ZNF729: variants seen among roughly 807,000 people sequenced by gnomAD.
The protein encoded by ZNF729 is zinc finger protein 729.
ZNF729 carries 15 observed loss-of-function variants against 12.2 expected under a neutral mutation model. The ratio of observed to expected loss-of-function variants is 1.23; its 90% CI spans 0.82 to 1.89. The LOEUF is 1.89. ZNF729 is among the 40% of genes most tolerant of loss of function. The probability of loss-of-function intolerance (pLI) is 0.00; values close to 1 mark genes in which losing one functional copy is unlikely to be tolerated. For synonymous variants in ZNF729, 492 were observed against 476.3 expected (o/e 1.03, Z -0.43); for missense variants, 1,540 against 1,456.7 (o/e 1.06, Z -0.93).
Position 22,315,517 on chromosome 19 carries a change from A to G in ZNF729, c.2100A>G (p.Arg700=). 1 of 1,610,868 alleles carries G rather than the reference A, an allele frequency of 6.2e-7. No individual in the cohort carries two copies. Among genetic ancestry groups the G allele is most frequent in the South Asian group, 1.1e-5 (1 of 90,998 alleles). The change falls in exon 4 of 4, where the codon AGA becomes AGG. Residue 700 remains arginine, a synonymous_variant. Transcript: ENST00000601693. The stretch of plus-strand genomic sequence containing the variant: ...CTTTTAGCCATTTCTCAGCCCTTAG[A>G]AGACATAAGATAATTCATACTGGAG... The part of the protein sequence containing the change: ...GKAFSHFSAL[R]RHKIIHTGEK...
At position 22,314,181 on chromosome 19, in the gene ZNF729, A is replaced by G; in HGVS notation, c.764A>G (p.Lys255Arg). 6.3e-7 allele frequency: 1 copy of G among 1,586,736 alleles called. No homozygotes were observed. The change falls in exon 4 of 4, where the codon AAG becomes AGG. Residue 255 changes from lysine to arginine, a missense_variant. Physicochemically the swap from Lys to Arg is conservative, Grantham distance 26 (BLOSUM62 2). Coordinates refer to ENST00000601693, the MANE Select transcript of ZNF729 (RefSeq NM_001242680.2). The part of the protein sequence containing the change: ...FKFSSTFTKH[K>R]RIHTGETPFR... ...TTTTCTTCAACGTTCACTAAACATAAGAGAATTCATACTGGAGAGACACCT... is the reference window on the plus strand; with the variant it reads ...TTTTCTTCAACGTTCACTAAACATAGGAGAATTCATACTGGAGAGACACCT...
rs1310751059 is a variant in ZNF729, at chr19:22,314,618, G to A, written c.1201G>A (p.Glu401Lys). The A allele has an allele frequency of 1.8e-5, 29 of 1,611,402 alleles. No individual in the cohort carries two copies. Among genetic ancestry groups the A allele is most frequent in the Non-Finnish European group, 2.5e-5 (29 of 1,179,730 alleles). Residue 401 changes from glutamate to lysine, a missense_variant, in exon 4 of 4, where the codon GAG (glutamate) becomes AAG (lysine). By Grantham distance (56) the Glu-to-Lys change is moderately conservative (BLOSUM62 1). Transcript: ENST00000601693. ...TGTACATAAGGTAGTTCATACTGGAGAGAAACCCTACAAATGTGAAGAATG... is the reference window on the plus strand; with the variant it reads ...TGTACATAAGGTAGTTCATACTGGAAAGAAACCCTACAAATGTGAAGAATG... ...LTVHKVVHTG[E>K]KPYKCEECGK... is the part of the protein sequence containing the mutation.
At chr19:22,296,843 T>C in intron 1 of ZNF729, among the ~76,000 whole-genome samples, 1 of 152,198 alleles carries the variant, frequency 6.6e-6, no homozygotes. Flanking sequence ...ATTTTATTAT[T>C]TACCCAAAAG....
In ZNF729 at chr19:22,292,428, C is replaced by T. The variant is rs1336908660; in HGVS notation, c.30+5873C>T. 7.9e-5 allele frequency among the ~76,000 whole-genome samples: 12 copies of T among 152,148 alleles called. No homozygotes were observed. In the East Asian group the frequency reaches 1.7e-3, roughly 22 times the overall value. On this transcript the variant is annotated intron_variant, in intron 1 of 3. Coordinates refer to ENST00000601693, the MANE Select transcript of ZNF729 (RefSeq NM_001242680.2). ...ATGTTTATGTACCATATTTTGTTTT[C>T]ATTAAATCTTTTATTTTATTTATTT...
In ZNF729 at chr19:22,315,200, A is replaced by T; in HGVS notation, c.1783A>T (p.Thr595Ser). 1 of 1,612,010 alleles carries T rather than the reference A, an allele frequency of 6.2e-7. No homozygotes were observed. The highest frequency in any genetic ancestry group is 1.7e-5 in the Admixed American group (1 of 59,900). The change falls in exon 4 of 4, where the codon ACT (threonine) becomes TCT (serine). Residue 595 changes from threonine to serine, a missense_variant. Thr to Ser is a moderately conservative substitution (Grantham distance 58). Coordinates refer to ENST00000601693, the MANE Select transcript of ZNF729 (RefSeq NM_001242680.2). ...SALRKHKVIH[T>S]REKLYKCEEC... ...CCTCAGAAAACATAAGGTAATTCAT[A>T]CTAGGGAGAAATTGTACAAATGTGA...
intron 1 of ZNF729, among the ~76,000 whole-genome samples, chr19:22,302,911 T>A (rs1366066253): frequency 6.6e-6 from 1 of 152,114 alleles, no homozygotes; most frequent in Non-Finnish European, 1.5e-5. Context: ...TGCCTCAGCC[T>A]CCAGAATAGC....
At chr19:22,310,457 A>G (rs2145055437) in intron 3 of ZNF729, among the ~76,000 whole-genome samples, 1 of 152,226 alleles carries the variant, frequency 6.6e-6, no homozygotes, top group South Asian at 2.1e-4. Context: ...TATTGAGATG[A>G]TCATATGATT....
intron 1 of ZNF729, among the ~76,000 whole-genome samples, chr19:22,302,036 C>T (rs190360988): frequency 4.1e-4 from 63 of 152,408 alleles, no homozygotes; most frequent in East Asian, 2.7e-3. Context: ...TGAGGATGTC[C>T]AGAGCAGAAC....
At chr19:22,307,426 T>C (rs1460160755) in intron 3 of ZNF729, among the ~76,000 whole-genome samples, 1 of 151,086 alleles carries the variant, frequency 6.6e-6, no homozygotes, top group African/African-American at 2.5e-5. Flanking sequence ...AAATAATTTC[T>C]GATCAAGTGT....
intron 1 of ZNF729, among the ~76,000 whole-genome samples, chr19:22,289,047 G>C (rs1327682054): frequency 1.3e-5 from 2 of 151,986 alleles, no homozygotes; most frequent in African/African-American, 4.8e-5. Context: ...ATTGAAACAT[G>C]AGTCAGACAC....
At chr19:22,301,810 ACC>A (rs1968309412) in intron 1 of ZNF729, among the ~76,000 whole-genome samples, 1 of 152,310 alleles carries the variant, frequency 6.6e-6, no homozygotes, top group Non-Finnish European at 1.5e-5. Context: ...AACTATACCT[ACC>A]TGTAAAATGT....
At chr19:22,301,468 A>T (rs1243865517) in intron 1 of ZNF729, among the ~76,000 whole-genome samples, 1 of 152,230 alleles carries the variant, frequency 6.6e-6, no homozygotes, top group Non-Finnish European at 1.5e-5. Flanking sequence ...TGTAACACCC[A>T]AGGAGGCAGA....
intron 1 of ZNF729, among the ~76,000 whole-genome samples, chr19:22,303,331 G>T (rs938741995): frequency 3.3e-5 from 5 of 150,734 alleles, no homozygotes; most frequent in Non-Finnish European, 5.9e-5. Flanking sequence ...CTTTATTCTA[G>T]ATCTTCTAAA....
At chr19:22,309,469 T>G (rs1424597600) in intron 3 of ZNF729, among the ~76,000 whole-genome samples, 1 of 152,114 alleles carries the variant, frequency 6.6e-6, no homozygotes, top group Admixed American at 6.5e-5. Context: ...AGAGTATCCT[T>G]TACCCACTTT....
chr19:22,313,670 G>C lies in ZNF729; in HGVS notation c.254-1G>C. On this transcript the variant is annotated splice_acceptor_variant, in intron 3 of 3. Transcript: ENST00000601693. LOFTEE classifies it high-confidence loss of function. ...TAATTTGTTATTTTTATTTCTTCTAGTTATGCGTTCTCATTTTACACAAGA... is the reference window on the plus strand; with the variant it reads ...TAATTTGTTATTTTTATTTCTTCTACTTATGCGTTCTCATTTTACACAAGA... 6.8e-7 allele frequency: 1 copy of C among 1,466,302 alleles called. No homozygotes were observed. The highest frequency in any genetic ancestry group is 9.0e-7 in the Non-Finnish European group (1 of 1,114,586). 90.8% of individuals were successfully genotyped at this position (1,466,302 alleles called of 1,614,324 possible). A position where few individuals can be genotyped will look rare whatever the true frequency, so the allele number is the denominator to read the frequency against.
In ZNF729 at chr19:22,313,996, A is replaced by T; in HGVS notation, c.579A>T (p.Ser193=). 1 of 1,540,338 alleles carries T rather than the reference A, an allele frequency of 6.5e-7. No individual in the cohort carries two copies. The highest frequency in any genetic ancestry group is 8.7e-7 in the Non-Finnish European group (1 of 1,146,172). Residue 193 remains serine (S), a synonymous_variant, in exon 4 of 4, where the codon TCA becomes TCT. Coordinates refer to ENST00000601693, the MANE Select transcript of ZNF729 (RefSeq NM_001242680.2). ...GTAGCAAATCATTTTTCATGCTTTCATGCTTAATTCGACATAAGAGAATTC... is the reference window on the plus strand; with the variant it reads ...GTAGCAAATCATTTTTCATGCTTTCTTGCTTAATTCGACATAAGAGAATTC... ...IKCSKSFFML[S]CLIRHKRIHI... is the part of the protein sequence containing the mutation.
At chr19:22,307,177 T>A (rs1968388648) in intron 3 of ZNF729, among the ~76,000 whole-genome samples, 1 of 152,146 alleles carries the variant, frequency 6.6e-6, no homozygotes, top group Admixed American at 6.5e-5. Context: ...AATTTTAGCA[T>A]TTCTCTTGTT....
intron 2 of ZNF729, 40 bp downstream of exon 2, chr19:22,303,924 A>G (rs183884643): frequency 2.0e-5 from 30 of 1,512,002 alleles, no homozygotes; most frequent in Middle Eastern, 1.8e-4. Flanking sequence ...ATTATATTCT[A>G]TAGGTTTAAT....
chr19:22,315,717 T>A lies in ZNF729; in HGVS notation c.2300T>A (p.Leu767Ter). 1 of 1,595,174 alleles carries A rather than the reference T, an allele frequency of 6.3e-7. No individual in the cohort carries two copies. Among genetic ancestry groups the A allele is most frequent in the African/African-American group, 1.4e-5 (1 of 71,374 alleles). ...KHKVIHTREK[L>*]YKCEECVKAF... ...AAGGTAATTCATACTAGGGAGAAATTGTACAAATGTGAAGAATGTGTCAAA... is the reference window on the plus strand; with the variant it reads ...AAGGTAATTCATACTAGGGAGAAATAGTACAAATGTGAAGAATGTGTCAAA... Residue 767 changes from leucine to a stop codon, truncating the protein, a stop_gained, in exon 4 of 4, where the codon TTG becomes TAG. Transcript: ENST00000601693. LOFTEE classifies it low-confidence loss of function (END_TRUNC).
Sources: gnomAD v4.1 joint callset for allele counts (sites outside exome capture counted in the v4.1 genomes callset) on GRCh38, gnomAD v4.1.1 for gene constraint, MANE v1.5 for transcripts, NCBI Gene and HGNC (gene_info 2026-07-23, HGNC 2026-07-21) for gene names.